Variants in MATK observed in about 807,000 individuals in gnomAD.
MATK encodes megakaryocyte-associated tyrosine kinase, also known as megakaryocyte-associated tyrosine-protein kinase.
Under a neutral mutation model 59.8 loss-of-function variants are expected in MATK, and 41 were observed. The ratio of observed to expected loss-of-function variants is 0.69; its 90% CI spans 0.53 to 0.89. The LOEUF (loss-of-function observed/expected upper bound fraction) is 0.89, where lower values mean the gene tolerates loss of function less well. MATK is among the 40% of genes least tolerant of loss of function. MATK has a pLI of 0.00. For synonymous variants in MATK, 308 were observed against 306.1 expected (o/e 1.01, Z -0.06); for missense variants, 593 against 719.6 (o/e 0.82, Z 2.01).
At chr19:3,784,933 C>T (rs1251271015) in intron 2 of MATK, 49 bp from the exon 3 acceptor site, 1 of 1,414,422 alleles carries the variant, frequency 7.1e-7, no homozygotes, top group Non-Finnish European at 9.8e-7. Context: ...GACCCACGGT[C>T]CAGTTCCTAC....
At chr19:3,784,078 G>C in intron 5 of MATK, 45 bp from the exon 6 acceptor site, 5 of 1,589,826 alleles carry the variant, frequency 3.1e-6, no homozygotes, top group Non-Finnish European at 4.3e-6. Flanking sequence ...GTGGAGGGGG[G>C]GTCACTTGCT....
intron 1 of MATK, among the ~76,000 whole-genome samples, chr19:3,792,839 C>A (rs182278588): frequency 1.3e-5 from 2 of 152,134 alleles, no homozygotes; most frequent in African/African-American, 4.8e-5. Context: ...CTTTCTGAAC[C>A]TGGAGGACAG....
At chr19:3,789,352 G>C (rs1280729016), upstream of MATK, 1 of 771,370 alleles carries the variant, frequency 1.3e-6, no homozygotes, top group Non-Finnish European at 2.4e-6. Flanking sequence ...CTGCATGAGA[G>C]GGACATTTAA....
chr19:3,789,521 G>A (rs575263496), upstream of MATK: 189 of 521,040 alleles, frequency 3.6e-4, no homozygotes, highest in East Asian at 5.4e-3. Context: ...AGAGAAGGGC[G>A]GACTTAAGGA....
upstream of MATK, among the ~76,000 whole-genome samples, chr19:3,786,609 G>A (rs1283234299): frequency 1.3e-5 from 2 of 151,376 alleles, no homozygotes; most frequent in African/African-American, 2.4e-5. This position sits in a 1 kb window ranked among gnomAD's most constrained non-coding sequence, Gnocchi z 4.1. Flanking sequence ...CGGGGGTGAG[G>A]GAGAGTGAGC....
rs760722298 is a variant in MATK at position 3,784,466 on chromosome 19, G to A, written c.133-15C>T. On this transcript the variant is annotated splice_polypyrimidine_tract_variant and intron_variant, in intron 3 of 13. Transcript: ENST00000310132. Reference sequence around the variant, plus strand: ...GCCCAGCGCCTCTGCAGAGGGGGCCGGGAGAGGGGCAAAGGGAGGACATCA... The same window carrying A: ...GCCCAGCGCCTCTGCAGAGGGGGCCAGGAGAGGGGCAAAGGGAGGACATCA... 1.6e-4 allele frequency: 248 copies of A among 1,564,696 alleles called. 1 individual carries two copies. In the East Asian group the frequency reaches 2.1e-3, roughly 13 times the overall value.
At chr19:3,784,512 G>T in intron 3 of MATK, 61 bp from the exon 4 acceptor site, 1 of 1,195,848 alleles carries the variant, frequency 8.4e-7, no homozygotes, top group Non-Finnish European at 1.2e-6. Context: ...GGGAGCAGAG[G>T]CACGGGAGGG....
At chr19:3,798,748 G>A (rs1031988822) in intron 1 of MATK, among the ~76,000 whole-genome samples, 1 of 151,574 alleles carries the variant, frequency 6.6e-6, no homozygotes. Context: ...CTGACCTCAG[G>A]TGATGCACCT....
At chr19:3,789,292 C>A, upstream of MATK, 1 of 779,330 alleles carries the variant, frequency 1.3e-6, no homozygotes, top group Non-Finnish European at 2.4e-6. Context: ...CTGCTGACCA[C>A]GGGTCCCTCG....
Position 3,779,556 on chromosome 19 carries a change from T to A in MATK, c.904A>T (p.Ile302Phe). ...LGVILHQGLY[I>F]VMEHVSKGNL... is the part of the protein sequence containing the mutation. ...ACCTTGCTCACGTGCTCCATGACAATGTACAGCCCCTGGTGCAGGATCACG... is the reference window on the plus strand; with the variant it reads ...ACCTTGCTCACGTGCTCCATGACAAAGTACAGCCCCTGGTGCAGGATCACG... Residue 302 changes from isoleucine to phenylalanine, a missense_variant, in exon 10 of 14, where the codon ATT becomes TTT. Transcript: ENST00000310132. The A allele has an allele frequency of 6.2e-7, 1 of 1,611,762 alleles. No homozygotes were observed. Among genetic ancestry groups the A allele is most frequent in the Non-Finnish European group, 8.5e-7 (1 of 1,179,434 alleles).
rs778924826 is a variant in MATK at position 3,783,168 on chromosome 19, G to A, written c.634C>T (p.Arg212Trp). ...AICTKLVRPK[R>W]KHGTKSAEEE... ...TCGGCCGACTTGGTCCCGTGTTTCC[G>A]CTTTGGTCTCACCAGCTTGGTGCAG... The change falls in exon 7 of 14, where the codon CGG becomes TGG. Residue 212 changes from arginine to tryptophan, a missense_variant. Physicochemically the swap from Arg to Trp is moderately radical, Grantham distance 101. Coordinates refer to ENST00000310132, the MANE Select transcript of MATK (RefSeq NM_139355.3). 22 of 1,613,976 alleles carry A rather than the reference G, an allele frequency of 1.4e-5. No homozygotes were observed. Among genetic ancestry groups the A allele is most frequent in the Non-Finnish European group, 1.7e-5 (20 of 1,180,004 alleles).
chr19:3,783,664 C>G, intron 6 of MATK, 150 bp downstream of exon 6: 1 of 698,456 alleles, frequency 1.4e-6, no homozygotes, highest in African/African-American at 1.8e-5. Flanking sequence ...CCCGGGTGAT[C>G]AGCACAGGAG....
chr19:3,787,295 A>G (rs2037496628), upstream of MATK, among the ~76,000 whole-genome samples: 1 of 150,944 alleles, frequency 6.6e-6, no homozygotes, highest in African/African-American at 2.4e-5. Context: ...TTTTTTCCCA[A>G]ATTTTCATAG....
At chr19:3,789,377 C>G (rs778093116), upstream of MATK, 1 of 732,440 alleles carries the variant, frequency 1.4e-6, no homozygotes, top group Admixed American at 1.9e-5. Context: ...CTCTAGCACC[C>G]CATGAAGACT....
At chr19:3,778,953 G>T (rs1034941592) in intron 12 of MATK, 39 bp downstream of exon 12, 1 of 1,499,698 alleles carries the variant, frequency 6.7e-7, no homozygotes, top group African/African-American at 1.4e-5. Flanking sequence ...GAGCTGGGGG[G>T]ACCCCAAAGC....
intron 12 of MATK, 42 bp downstream of exon 12, chr19:3,778,950 G>C: frequency 6.7e-7 from 1 of 1,498,474 alleles, no homozygotes; most frequent in Non-Finnish European, 8.9e-7. Flanking sequence ...GCAGAGCTGG[G>C]GGGACCCCAA....
chr19:3,784,326 G>A lies in MATK; in HGVS notation c.246+12C>T. 1 of 1,597,254 alleles carries A rather than the reference G, an allele frequency of 6.3e-7. No individual in the cohort carries two copies. Among genetic ancestry groups the A allele is most frequent in the Non-Finnish European group, 8.5e-7 (1 of 1,171,004 alleles). ...CAGCCCCAAGCACCCACACCCGCCG[G>A]CCACCTCTCACCTCGCAGGCCTCCA... On this transcript the variant is annotated intron_variant, in intron 4 of 13. Coordinates refer to ENST00000310132, the MANE Select transcript of MATK (RefSeq NM_139355.3).
intron 1 of MATK, among the ~76,000 whole-genome samples, chr19:3,798,530 GA>G (rs2037615562): frequency 6.6e-6 from 1 of 151,958 alleles, no homozygotes. Flanking sequence ...TTATTTTTTT[GA>G]GACAGAGTTT....
At chr19:3,798,970 T>TA (rs2145118646) in intron 1 of MATK, among the ~76,000 whole-genome samples, 1 of 148,490 alleles carries the variant, frequency 6.7e-6, no homozygotes, top group South Asian at 2.1e-4. Context: ...CATACCTGGC[T>TA]ATTTTTTTTT....
Sources: allele counts gnomAD v4.1 joint callset (sites outside exome capture counted in the v4.1 genomes callset), GRCh38; gene constraint gnomAD v4.1.1; non-coding constraint Gnocchi (gnomAD v3.1); transcripts MANE v1.5; gene names NCBI Gene and HGNC (gene_info 2026-07-23, HGNC 2026-07-21).